The following GIT2 variants were observed in gnomAD, a reference collection of about 807,000 sequenced individuals.
The protein encoded by GIT2 is ARF GTPase-activating protein GIT2.
A neutral mutation model predicts 100.3 loss-of-function variants in GIT2; 32 were observed. The observed-to-expected ratio is 0.32, with a 90% CI of 0.24 to 0.43. GIT2 has a LOEUF of 0.43. Ranked by LOEUF, GIT2 falls within the 20% of genes least tolerant of loss-of-function variation. The pLI, the probability that GIT2 is intolerant of heterozygous loss-of-function variation, is 1.00. For synonymous variants in GIT2, 353 were observed against 364.1 expected (o/e 0.97, Z 0.35); for missense variants, 737 against 975.1 (o/e 0.76, Z 3.25).
intron 16 of GIT2, among the ~76,000 whole-genome samples, chr12:109,942,072 A>G (rs1406376418): frequency 4.0e-5 from 6 of 151,470 alleles, no homozygotes; most frequent in Admixed American, 3.9e-4. Context: ...TGATCCTCCA[A>G]CTTTGGCCTC....
intron 12 of GIT2, among the ~76,000 whole-genome samples, chr12:109,956,954 G>A (rs1260467278): frequency 6.6e-6 from 1 of 151,422 alleles, no homozygotes; most frequent in Admixed American, 6.6e-5. Flanking sequence ...GGTGGCAGAG[G>A]TTGCAGTGAG....
chr12:109,977,737 G>A (rs1469627614), intron 7 of GIT2, among the ~76,000 whole-genome samples: 5 of 151,256 alleles, frequency 3.3e-5, no homozygotes, highest in Non-Finnish European at 5.9e-5. Flanking sequence ...CAAGAGAATC[G>A]CTTGAACCTG....
chr12:109,941,865 G>A (rs1006052302), intron 16 of GIT2, among the ~76,000 whole-genome samples: 5 of 149,010 alleles, frequency 3.4e-5, no homozygotes, highest in African/African-American at 1.0e-4. Flanking sequence ...TCACTCTGTC[G>A]CCTAGGCTAA....
chr12:109,956,389 A>T (rs1179195339), intron 12 of GIT2, among the ~76,000 whole-genome samples: 1 of 152,198 alleles, frequency 6.6e-6, no homozygotes, highest in African/African-American at 2.4e-5. Context: ...TATGACTAAC[A>T]TGGCACTAAA....
chr12:109,976,639 A>G (rs1322785181), intron 7 of GIT2, among the ~76,000 whole-genome samples: 1 of 143,986 alleles, frequency 6.9e-6, no homozygotes, highest in Admixed American at 7.2e-5. Context: ...CCCAGGCAGG[A>G]GTGCAGTGGC....
chr12:109,994,707 G>C (rs1003953492), intron 1 of GIT2, among the ~76,000 whole-genome samples: 1 of 152,126 alleles, frequency 6.6e-6, no homozygotes, highest in African/African-American at 2.4e-5. Context: ...GCTTTGCCCT[G>C]TACCCTATCA....
At position 109,933,060 on chromosome 12, in the gene GIT2, T is replaced by C; in HGVS notation, c.2198A>G (p.Gln733Arg). The C allele has an allele frequency of 1.2e-6, 2 of 1,613,874 alleles. No individual in the cohort carries two copies. Among genetic ancestry groups the C allele is most frequent in the Non-Finnish European group, 1.7e-6 (2 of 1,179,710 alleles). The change falls in exon 20 of 20, where the codon CAG becomes CGG. Residue 733 changes from glutamine (Q) to arginine (R), a missense_variant. Physicochemically the swap from Gln to Arg is conservative, Grantham distance 43. This residue lies in a region of GIT2 where 451 missense variants were observed against 543.7 expected (regional missense o/e 0.83). Coordinates refer to ENST00000355312, the MANE Select transcript of GIT2 (RefSeq NM_057169.5). The surrounding 1 kb of genome is among the most constrained non-coding windows in gnomAD (Gnocchi z 4.5). ...GSPTDVQLVT[Q>R]QVIQCAYDIA... ...GTCGTACGCACACTGGATGACCTGC[T>C]GCGTGACCAGCTGAACGTCTGTGGG...
intron 13 of GIT2, chr12:109,952,678 C>G: frequency 2.0e-6 from 1 of 507,534 alleles, no homozygotes; most frequent in Admixed American, 2.0e-5. Context: ...ACAGCCCCAC[C>G]TGATGCTCCC....
At chr12:109,995,592 TC>T (rs1889201324) in intron 1 of GIT2, among the ~76,000 whole-genome samples, 1 of 152,254 alleles carries the variant, frequency 6.6e-6, no homozygotes, top group South Asian at 2.1e-4. Flanking sequence ...CCCAGGCCGT[TC>T]AGATCCTCAA....
chr12:109,966,853 TATGG>T (rs1476745856), intron 8 of GIT2, among the ~76,000 whole-genome samples: 1 of 152,204 alleles, frequency 6.6e-6, no homozygotes, highest in African/African-American at 2.4e-5. Context: ...TCAGAAAAAT[TATGG>T]CCTTCTTTTT....
chr12:109,947,140 ACT>A lies in GIT2; in HGVS notation c.1641+114_1641+115del, dbSNP rs1876565341. On this transcript the variant is annotated intron_variant, in intron 15 of 19. Transcript: ENST00000355312. This position sits in a 1 kb window ranked among gnomAD's most constrained non-coding sequence, Gnocchi z 4.3. ...TGTTAATACAGCAAACACAATGGTAACTCTCTTAGTCCAATTTGGCAAAGCAG... is the reference window on the plus strand; with the variant it reads ...TGTTAATACAGCAAACACAATGGTAACTCTTAGTCCAATTTGGCAAAGCAG... 2 of 909,026 alleles carry A rather than the reference ACT, an allele frequency of 2.2e-6. No individual in the cohort carries two copies. The highest frequency in any genetic ancestry group is 3.4e-6 in the Non-Finnish European group (2 of 581,042). 56.3% of individuals were successfully genotyped at this position (909,026 alleles called of 1,614,324 possible). A position where few individuals can be genotyped will look rare whatever the true frequency, so the allele number is the denominator to read the frequency against.
chr12:109,947,599 A>C lies in GIT2; in HGVS notation c.1393-95T>G. On this transcript the variant is annotated intron_variant, in intron 14 of 19. Coordinates refer to ENST00000355312, the MANE Select transcript of GIT2 (RefSeq NM_057169.5). This position sits in a 1 kb window ranked among gnomAD's most constrained non-coding sequence, Gnocchi z 4.3. The stretch of plus-strand genomic sequence containing the variant: ...TGAATACAACTACCAGTTTTAAACA[A>C]TAAGGACAGTAACAGCTAGCCGGGC... The C allele has an allele frequency of 8.7e-7, 1 of 1,143,568 alleles. No homozygotes were observed. The highest frequency in any genetic ancestry group is 1.3e-6 in the Non-Finnish European group (1 of 787,524). The allele number at this position is 1,143,568 out of a possible 1,614,324, so 70.8% of individuals were successfully genotyped here. A position where few individuals can be genotyped will look rare whatever the true frequency, so the allele number is the denominator to read the frequency against.
rs557013337 is a variant in GIT2, at chr12:109,932,984, G to T, written c.2274C>A (p.Asn758Lys). The change falls in exon 20 of 20, where the codon AAC (asparagine) becomes AAA (lysine). Residue 758 changes from asparagine to lysine, a missense_variant. Physicochemically the swap from Asn to Lys is moderately conservative, Grantham distance 94. Around this residue, in one of 3 missense-constraint regions of GIT2, gnomAD observed 451 missense variants for 543.7 expected, o/e 0.83. Transcript: ENST00000355312. ...AGGCGGTGCCCTGCCCTTGTCAGTT[G>T]TTGTTCTCTTTGGTGGTGATGGTAA... ...QLVTITTKEN[N>K]N 2 of 1,598,428 alleles carry T rather than the reference G, an allele frequency of 1.3e-6. No homozygotes were observed. The highest frequency in any genetic ancestry group is 1.7e-6 in the Non-Finnish European group (2 of 1,166,210).
intron 11 of GIT2, among the ~76,000 whole-genome samples, chr12:109,960,599 A>T (rs1880826046): frequency 6.6e-6 from 1 of 152,180 alleles, no homozygotes; most frequent in Non-Finnish European, 1.5e-5. Context: ...AAAAAAATTT[A>T]AGTTAAACAA....
At chr12:109,988,618 C>G (rs1222910023) in intron 4 of GIT2, among the ~76,000 whole-genome samples, 1 of 151,856 alleles carries the variant, frequency 6.6e-6, no homozygotes, top group Admixed American at 6.6e-5. Context: ...ACTAGGAGGC[C>G]GAGGCAGACG....
intron 7 of GIT2, among the ~76,000 whole-genome samples, chr12:109,977,196 G>A (rs1885275492): frequency 6.6e-6 from 1 of 151,928 alleles, no homozygotes; most frequent in South Asian, 2.1e-4. Context: ...TAAAAGTATT[G>A]TTTCTACCAT....
intron 6 of GIT2, chr12:109,981,538 A>C (rs1886323406): frequency 6.4e-6 from 1 of 157,376 alleles, no homozygotes; most frequent in Non-Finnish European, 1.4e-5. Context: ...TCTGGATAAG[A>C]GTCTAGTAAC....
chr12:109,966,262 G>A (rs1882356426), intron 8 of GIT2, among the ~76,000 whole-genome samples: 1 of 90,002 alleles, frequency 1.1e-5, no homozygotes, highest in Non-Finnish European at 2.3e-5. Flanking sequence ...TCAAAGTGCT[G>A]GGATTACAGG....
At chr12:109,993,089 TA>T (rs1157047451) in intron 1 of GIT2, among the ~76,000 whole-genome samples, 2 of 152,036 alleles carry the variant, frequency 1.3e-5, no homozygotes, top group African/African-American at 2.4e-5. Flanking sequence ...AAATGAATAA[TA>T]TTTTTAGTGT....
Sources: allele counts gnomAD v4.1 joint callset (sites outside exome capture counted in the v4.1 genomes callset), GRCh38; gene constraint gnomAD v4.1.1; regional missense constraint gnomAD v4.1.1; non-coding constraint Gnocchi (gnomAD v3.1); transcripts MANE v1.5; gene names NCBI Gene and HGNC (gene_info 2026-07-23, HGNC 2026-07-21).